Variants in FAM81A observed in about 807,000 individuals in gnomAD.
FAM81A encodes protein FAM81A.
In FAM81A, 19 loss-of-function variants were observed where a neutral mutation model predicts 46.7. That is an observed-to-expected ratio of 0.41 (90% CI 0.28 to 0.60). The LOEUF (loss-of-function observed/expected upper bound fraction) is 0.60, where lower values mean the gene tolerates loss of function less well. FAM81A is among the 20% of genes least tolerant of loss of function. The pLI is 0.34. For missense variants in FAM81A, 377 were observed against 453.5 expected (o/e 0.83, Z 1.53); for synonymous variants, 183 against 152.9 (o/e 1.20, Z -1.45).
chr15:59,415,117 G>GTT (rs578095929), intron 2 of FAM81A, among the ~76,000 whole-genome samples: 1 of 133,598 alleles, frequency 7.5e-6, no homozygotes. Flanking sequence ...TGCCCAGCCT[G>GTT]TTTTTTTTTT....
chr15:59,474,895 G>T (rs1666139268), intron 3 of FAM81A, among the ~76,000 whole-genome samples: 1 of 152,052 alleles, frequency 6.6e-6, no homozygotes, highest in Non-Finnish European at 1.5e-5. Context: ...TCTAGAACCT[G>T]ATCTTCTATA....
chr15:59,436,267 G>GAT (rs1259208111), upstream of FAM81A, among the ~76,000 whole-genome samples: 3 of 152,094 alleles, frequency 2.0e-5, no homozygotes, highest in Non-Finnish European at 4.4e-5. Flanking sequence ...GTTCAGTTTT[G>GAT]ATGGCCAGAA....
At chr15:59,443,130 C>A (rs12439439) in intron 1 of FAM81A, among the ~76,000 whole-genome samples, 1 of 152,148 alleles carries the variant, frequency 6.6e-6, no homozygotes, top group African/African-American at 2.4e-5. Flanking sequence ...TTGCCCAGGG[C>A]GGAACGCAAT....
rs2082344957 is a variant in FAM81A at position 59,523,268 on chromosome 15, C to CA, written c.*1891dup. 1 of 152,300 alleles carries CA rather than the reference C, an allele frequency of 6.6e-6. No homozygotes were observed. Among genetic ancestry groups the CA allele is most frequent in the African/African-American group, 2.4e-5 (1 of 41,462 alleles). 9.4% of individuals were successfully genotyped at this position (152,300 alleles called of 1,614,324 possible). On this transcript the variant is annotated 3_prime_UTR_variant, in exon 9 of 9. Transcript: ENST00000288228. Reference sequence around the variant, plus strand: ...GCCAGCCCCTTGAGATGAGCCACCGCAGGTGTGCTCACCTTGGCTACATGT... The same window carrying CA: ...GCCAGCCCCTTGAGATGAGCCACCGCAAGGTGTGCTCACCTTGGCTACATGT...
intron 7 of FAM81A, 139 bp from the exon 8 acceptor site, chr15:59,516,506 C>T (rs914561749): frequency 1.0e-5 from 8 of 776,362 alleles, no homozygotes; most frequent in African/African-American, 5.4e-5. Context: ...AAAGGGAGAA[C>T]GGATATTATG....
At chr15:59,446,445 C>T (rs1472120876) in intron 1 of FAM81A, 2 of 152,222 alleles carry the variant, frequency 1.3e-5, no homozygotes, top group African/African-American at 2.4e-5. Context: ...GGCCGCCTCC[C>T]TTCAGTTATG....
At chr15:59,436,770 A>G (rs1173572176), upstream of FAM81A, among the ~76,000 whole-genome samples, 1 of 152,156 alleles carries the variant, frequency 6.6e-6, no homozygotes, top group Admixed American at 6.5e-5. Context: ...GGAAAGAATA[A>G]TCATTGAGCT....
upstream of FAM81A, among the ~76,000 whole-genome samples, chr15:59,435,607 G>A (rs151103516): frequency 8.9e-4 from 136 of 152,312 alleles, no homozygotes; most frequent in African/African-American, 3.2e-3. Flanking sequence ...GGGTGACAGA[G>A]TGAGACTCTG....
At chr15:59,441,127 A>G (rs750141931) in intron 1 of FAM81A, among the ~76,000 whole-genome samples, 1 of 152,126 alleles carries the variant, frequency 6.6e-6, no homozygotes, top group Non-Finnish European at 1.5e-5. Context: ...TCCACATGCA[A>G]TCCACACTCT....
intron 1 of FAM81A, among the ~76,000 whole-genome samples, chr15:59,445,733 C>T (rs565165749): frequency 2.0e-5 from 3 of 152,310 alleles, no homozygotes; most frequent in Non-Finnish European, 2.9e-5. Flanking sequence ...CACACAGAAT[C>T]GTGCTTTCCC....
chr15:59,442,618 CAAAAAAAAAA>C (rs1196305104), intron 1 of FAM81A, among the ~76,000 whole-genome samples: 14 of 76,702 alleles, frequency 1.8e-4, no homozygotes, highest in Non-Finnish European at 1.6e-4. Flanking sequence ...CTCCGTCTCT[CAAAAAAAAAA>C]AAAAAAAAAA....
intron 6 of FAM81A, 74 bp downstream of exon 6, chr15:59,509,043 C>A: frequency 1.7e-6 from 2 of 1,178,184 alleles, no homozygotes; most frequent in Non-Finnish European, 2.4e-6. Context: ...GATTTTTTTC[C>A]TCTTGGTTTT....
intron 2 of FAM81A, among the ~76,000 whole-genome samples, chr15:59,431,014 T>C (rs2081217447): frequency 6.6e-6 from 1 of 152,156 alleles, no homozygotes; most frequent in Admixed American, 6.5e-5. Context: ...ATAATATAAA[T>C]AATAACTAAG....
Position 59,521,572 on chromosome 15 carries a change from G to A in FAM81A, c.*194G>A. ...TCTTTTGTTAAAAGTATGAAATACA[G>A]TTTTTACCAGTTTATTTCACTTCTC... On this transcript the variant is annotated 3_prime_UTR_variant, in exon 9 of 9. Transcript: ENST00000288228. 1.9e-6 allele frequency: 1 copy of A among 524,392 alleles called. No homozygotes were observed. Among genetic ancestry groups the A allele is most frequent in the South Asian group, 6.0e-5 (1 of 16,732 alleles). 32.5% of individuals were successfully genotyped at this position (524,392 alleles called of 1,614,324 possible).
At chr15:59,483,633 GA>G (rs1217837135) in intron 3 of FAM81A, among the ~76,000 whole-genome samples, 1 of 152,148 alleles carries the variant, frequency 6.6e-6, no homozygotes, top group Non-Finnish European at 1.5e-5. Flanking sequence ...AAAATTTCTA[GA>G]AATAAGTAGT....
intron 3 of FAM81A, among the ~76,000 whole-genome samples, chr15:59,488,126 C>G (rs1460271017): frequency 6.6e-6 from 1 of 152,118 alleles, no homozygotes; most frequent in Non-Finnish European, 1.5e-5. Flanking sequence ...ATATGCAAAT[C>G]AATCAGTGTG....
At chr15:59,478,161 C>T (rs1320763981) in intron 3 of FAM81A, among the ~76,000 whole-genome samples, 1 of 152,098 alleles carries the variant, frequency 6.6e-6, no homozygotes, top group African/African-American at 2.4e-5. Flanking sequence ...ATGGCTTTAG[C>T]TGTGTCTCTG....
At chr15:59,464,330 T>A (rs181286755) in intron 3 of FAM81A, among the ~76,000 whole-genome samples, 1 of 152,218 alleles carries the variant, frequency 6.6e-6, no homozygotes, top group Non-Finnish European at 1.5e-5. Context: ...TTGGATAAAT[T>A]CCCAGTAGTG....
chr15:59,489,585 A>C (rs2081961066), intron 3 of FAM81A, among the ~76,000 whole-genome samples: 1 of 152,152 alleles, frequency 6.6e-6, no homozygotes, highest in Non-Finnish European at 1.5e-5. Flanking sequence ...ACCACAAAAT[A>C]CCAAAATAGC....
Sources: allele counts gnomAD v4.1 joint callset (sites outside exome capture counted in the v4.1 genomes callset), GRCh38; gene constraint gnomAD v4.1.1; transcripts MANE v1.5; gene names NCBI Gene and HGNC (gene_info 2026-07-23, HGNC 2026-07-21).